OGDHL: variants seen among roughly 807,000 people sequenced by gnomAD.
The protein encoded by OGDHL is 2-oxoglutarate dehydrogenase-like, mitochondrial.
OGDHL carries 79 observed loss-of-function variants against 109.6 expected under a neutral mutation model. The ratio of observed to expected loss-of-function variants is 0.72; its 90% CI spans 0.60 to 0.87. The LOEUF is 0.87. Among genes scored for constraint, OGDHL ranks in the 40% least tolerant of loss-of-function variants. The probability of loss-of-function intolerance (pLI) is 0.00; values close to 1 mark genes in which losing one functional copy is unlikely to be tolerated. For missense variants in OGDHL, 1,275 were observed against 1,362.2 expected, an observed-to-expected ratio of 0.94 and a Z score of 1.01; for synonymous variants, 528 against 537.2, an observed-to-expected ratio of 0.98 and a Z score of 0.24.
At chr10:49,739,475 G>A (rs1305745999) in intron 17 of OGDHL, 186 bp downstream of exon 17, 1 of 625,160 alleles carries the variant, frequency 1.6e-6, no homozygotes, top group Admixed American at 3.2e-5. Context: ...TCTGCTGCCA[G>A]GGGTAGCATC....
At chr10:49,751,175 G>C (rs1250927363) in intron 6 of OGDHL, among the ~76,000 whole-genome samples, 190 bp from the exon 7 acceptor site, 2 of 152,042 alleles carry the variant, frequency 1.3e-5, no homozygotes, top group South Asian at 4.2e-4. Context: ...AGGAACACAG[G>C]GTTAGGGGAG....
intron 17 of OGDHL, 78 bp from the exon 18 acceptor site, chr10:49,738,340 A>G: frequency 6.6e-7 from 1 of 1,521,454 alleles, no homozygotes; most frequent in Non-Finnish European, 9.0e-7. Context: ...CCCCAGGCTC[A>G]GGGGAAAGTC....
At chr10:49,750,694 G>T in intron 7 of OGDHL, 145 bp downstream of exon 7, 2 of 1,152,082 alleles carry the variant, frequency 1.7e-6, no homozygotes, top group Non-Finnish European at 1.2e-6. Context: ...AGCAGGCCAG[G>T]CCCAGGACTC....
Position 49,748,742 on chromosome 10 carries a change from C to CCACACACACACACACA in OGDHL, c.987+968_987+983dup, listed in dbSNP as rs3223401. Among the ~76,000 whole-genome samples the CCACACACACACACACA allele has an allele frequency of 2.6e-3, 345 of 133,946 alleles. 3 individuals carry two copies. Among genetic ancestry groups the CCACACACACACACACA allele is most frequent in the African/African-American group, 7.2e-3 (251 of 34,920 alleles). The allele number at this position is 133,946 out of a possible 152,430, so 87.9% of individuals were successfully genotyped here. ...GGGATAGGAGCCAGTAGGTATGGGTCCACACACACACACACACACACACAC... is the reference window on the plus strand; with the variant it reads ...GGGATAGGAGCCAGTAGGTATGGGTCCACACACACACACACACACACACACACACACACACACACAC... On this transcript the variant is annotated intron_variant, in intron 8 of 22. Coordinates refer to ENST00000374103, the MANE Select transcript of OGDHL (RefSeq NM_018245.3).
rs147396449 is a variant in OGDHL, at chr10:49,739,416, C to T, written c.2319+245G>A. 1,236 of 462,580 alleles carry T rather than the reference C, an allele frequency of 2.7e-3. 4 individuals are homozygous for T. The highest frequency in any genetic ancestry group is 3.9e-3 in the Non-Finnish European group (1,033 of 261,934). The allele number at this position is 462,580 out of a possible 1,614,324, so 28.7% of individuals were successfully genotyped here. ...GATTGGAAGAGTTAACATTCAGAAG[C>T]ATTGAACAGTGCCTGGCGCACAGCA... is the stretch of plus-strand genomic sequence containing the variant. On this transcript the variant is annotated intron_variant, in intron 17 of 22. Transcript: ENST00000374103.
In OGDHL at chr10:49,758,285, G is replaced by A. The variant is rs1843034973; in HGVS notation, c.204+104C>T. 3.5e-5 allele frequency: 41 copies of A among 1,177,878 alleles called. No individual in the cohort carries two copies. In the South Asian group the frequency reaches 5.7e-4, roughly 16 times the overall value. The allele number at this position is 1,177,878 out of a possible 1,614,324, so 73.0% of individuals were successfully genotyped here. ...CTGAGAGGCAAAGAAACCTGCCCAGGATCACACAGCAGGCAAGCTGCTTCT... is the reference window on the plus strand; with the variant it reads ...CTGAGAGGCAAAGAAACCTGCCCAGAATCACACAGCAGGCAAGCTGCTTCT... On this transcript the variant is annotated intron_variant, in intron 2 of 22. Transcript: ENST00000374103.
At chr10:49,744,175 C>T (rs1042369327) in intron 13 of OGDHL, 53 bp from the exon 14 acceptor site, 8 of 1,593,914 alleles carry the variant, frequency 5.0e-6, no homozygotes, top group Middle Eastern at 1.7e-4. Context: ...GTTCTGATCC[C>T]CCTGGCCAGC....
chr10:49,739,493 C>T (rs1486379785), intron 17 of OGDHL, 168 bp downstream of exon 17: 3 of 722,480 alleles, frequency 4.2e-6, no homozygotes, highest in South Asian at 2.6e-5. Flanking sequence ...ATCATCGTCT[C>T]AGCAGCTGCA....
chr10:49,735,360 GGA>G lies in OGDHL; in HGVS notation c.2910-11_2910-10del, dbSNP rs760682772. 15 of 1,611,692 alleles carry G rather than the reference GGA, an allele frequency of 9.3e-6. No homozygotes were observed. In the Admixed American group the frequency reaches 2.5e-4, roughly 27 times the overall value. On this transcript the variant is annotated splice_polypyrimidine_tract_variant and intron_variant, in intron 22 of 22. Transcript: ENST00000374103. ...GGTCCCGGCCAACATACCTGGAGGA[GGA>G]GAGACAAGCTAAGGGGAAGGCGGGG... is the stretch of plus-strand genomic sequence containing the variant.
intron 3 of OGDHL, 107 bp from the exon 4 acceptor site, chr10:49,752,847 A>G (rs1413612187): frequency 2.6e-6 from 2 of 768,034 alleles, no homozygotes; most frequent in Non-Finnish European, 4.3e-6. Context: ...CCGAATGTTA[A>G]GCTTCCCCAT....
intron 3 of OGDHL, among the ~76,000 whole-genome samples, chr10:49,753,791 G>A (rs1842753212): frequency 6.6e-6 from 1 of 151,176 alleles, no homozygotes. Flanking sequence ...TTGGGAGGAT[G>A]AGGCAGGAGA....
At position 49,749,716 on chromosome 10, in the gene OGDHL, T is replaced by C; in HGVS notation, c.987+10A>G. On this transcript the variant is annotated intron_variant, in intron 8 of 22. Transcript: ENST00000374103. ...CTCCAAGGGTGCCGGGACCTGGGCA[T>C]GGCACCCACCTCGTCCGCCGCCTCC... 4 of 1,579,190 alleles carry C rather than the reference T, an allele frequency of 2.5e-6. No individual in the cohort carries two copies. Among genetic ancestry groups the C allele is most frequent in the Non-Finnish European group, 3.4e-6 (4 of 1,167,644 alleles).
intron 11 of OGDHL, 102 bp from the exon 12 acceptor site, chr10:49,745,598 AGCCCT>A (rs1842122080): frequency 7.0e-7 from 1 of 1,431,178 alleles, no homozygotes; most frequent in Non-Finnish European, 9.6e-7. Context: ...ACCCACTGGG[AGCCCT>A]TTGAGCTCCA....
chr10:49,736,869 C>T (rs909285419), intron 20 of OGDHL, among the ~76,000 whole-genome samples: 1 of 152,170 alleles, frequency 6.6e-6, no homozygotes, highest in Admixed American at 6.5e-5. Flanking sequence ...GCTGCGCCCA[C>T]CTCCTGCAGA....
At chr10:49,744,570 C>A in intron 13 of OGDHL, 80 bp downstream of exon 13, 1 of 1,136,476 alleles carries the variant, frequency 8.8e-7, no homozygotes, top group South Asian at 1.3e-5. Context: ...AGCTGTCACC[C>A]AGGGCCATTC....
Position 49,736,225 on chromosome 10 carries a change from TCCCCAGCAC to T in OGDHL, c.2755-57_2755-49del, listed in dbSNP as rs538682765. On this transcript the variant is annotated intron_variant, in intron 21 of 22. Coordinates refer to ENST00000374103, the MANE Select transcript of OGDHL (RefSeq NM_018245.3). Reference sequence around the variant, plus strand: ...GCATAGCCAGAGGAGGGGCGGTATGTCCCCAGCACCCCCGGACAGGAGGCACAGGGCCTC... The same window carrying T: ...GCATAGCCAGAGGAGGGGCGGTATGTCCCCGGACAGGAGGCACAGGGCCTC... 7.3e-4 allele frequency: 1,138 copies of T among 1,569,134 alleles called. 1 individual carries two copies. Among genetic ancestry groups the T allele is most frequent in the Non-Finnish European group, 9.4e-4 (1,090 of 1,155,986 alleles).
At position 49,745,495 on chromosome 10, in the gene OGDHL, A is replaced by G. The variant is rs777802687; in HGVS notation, c.1478T>C (p.Val493Ala). 4 of 1,613,710 alleles carry G rather than the reference A, an allele frequency of 2.5e-6. No homozygotes were observed. In the South Asian group the frequency reaches 4.4e-5, roughly 18 times the overall value. ...TFNKDVVVDL[V>A]CYRRRGHNEM... Reference sequence around the variant, plus strand: ...ATTGTGGCCACGCCGGCGGTAACAGACCTGCAGGAGCAGCCAGAGGGGCTC... The same window carrying G: ...ATTGTGGCCACGCCGGCGGTAACAGGCCTGCAGGAGCAGCCAGAGGGGCTC... Residue 493 changes from valine (V) to alanine (A), a missense_variant and splice_region_variant, in exon 12 of 23, where the codon GTC becomes GCC. Coordinates refer to ENST00000374103, the MANE Select transcript of OGDHL (RefSeq NM_018245.3).
At chr10:49,744,152 G>C in intron 13 of OGDHL, 30 bp from the exon 14 acceptor site, 1 of 1,610,024 alleles carries the variant, frequency 6.2e-7, no homozygotes, top group South Asian at 1.1e-5. Context: ...TGTCCACACT[G>C]TGTCAGTGGT....
chr10:49,751,214 G>A (rs1029152941), intron 6 of OGDHL, among the ~76,000 whole-genome samples: 5 of 152,030 alleles, frequency 3.3e-5, no homozygotes, highest in African/African-American at 7.2e-5. Context: ...TGAACCAAAC[G>A]CCTCTGCCTA....
Sources: allele counts gnomAD v4.1 joint callset (sites outside exome capture counted in the v4.1 genomes callset), GRCh38; gene constraint gnomAD v4.1.1; transcripts MANE v1.5; gene names NCBI Gene and HGNC (gene_info 2026-07-23, HGNC 2026-07-21).